NOS1: variants seen among roughly 807,000 people sequenced by gnomAD.
The protein encoded by NOS1 is NOS type I.
Under a neutral mutation model 164.5 loss-of-function variants are expected in NOS1, and 51 were observed. The observed-to-expected ratio is 0.31, with a 90% CI of 0.25 to 0.39. The LOEUF (loss-of-function observed/expected upper bound fraction) is 0.39, where lower values mean the gene tolerates loss of function less well. NOS1 is among the 10% of genes least tolerant of loss of function. The pLI, the probability that NOS1 is intolerant of heterozygous loss-of-function variation, is 1.00. For synonymous variants in NOS1, 719 were observed against 745.8 expected (o/e 0.96, Z 0.59); for missense variants, 1,362 against 1,885.6 (o/e 0.72, Z 5.14).
chr12:117,342,155 ATCTTT>A (rs940361727), intron 1 of NOS1, among the ~76,000 whole-genome samples: 1 of 150,990 alleles, frequency 6.6e-6, no homozygotes, highest in African/African-American at 2.4e-5. Flanking sequence ...GCCTCCTCTC[ATCTTT>A]TCTTTTCTTT....
intron 2 of NOS1, among the ~76,000 whole-genome samples, chr12:117,321,571 G>T (rs540223994): frequency 6.6e-6 from 1 of 152,164 alleles, no homozygotes; most frequent in Non-Finnish European, 1.5e-5. Context: ...GGTACAAAGC[G>T]AGAGTAATCC....
Position 117,330,299 on chromosome 12 carries a change from T to C in NOS1, c.725+46A>G, listed in dbSNP as rs367856181. 42 of 633,954 alleles carry C rather than the reference T, an allele frequency of 6.6e-5. No individual in the cohort carries two copies. The highest frequency in any genetic ancestry group is 8.7e-5 in the Non-Finnish European group (40 of 459,050). 39.3% of individuals were successfully genotyped at this position (633,954 alleles called of 1,614,324 possible). ...AGACGCACATGCACACACACAAGCATGCACACACACACACACACACACACA... is the reference window on the plus strand; with the variant it reads ...AGACGCACATGCACACACACAAGCACGCACACACACACACACACACACACA... On this transcript the variant is annotated intron_variant, in intron 2 of 28. Coordinates refer to ENST00000317775, the MANE Select transcript of NOS1 (RefSeq NM_000620.5). The surrounding 1 kb of genome is among the most constrained non-coding windows in gnomAD (Gnocchi z 4.6).
intron 2 of NOS1, among the ~76,000 whole-genome samples, chr12:117,325,533 C>T (rs1020909838): frequency 6.6e-6 from 1 of 152,126 alleles, no homozygotes; most frequent in African/African-American, 2.4e-5. Flanking sequence ...GAGAGTCTTG[C>T]ATGCCACATG....
chr12:117,292,418 C>T (rs1306356900), intron 3 of NOS1, among the ~76,000 whole-genome samples: 6 of 152,280 alleles, frequency 3.9e-5, no homozygotes, highest in East Asian at 1.9e-4. Flanking sequence ...GCAGGGCACT[C>T]ATCTCACTGG....
intron 1 of NOS1, among the ~76,000 whole-genome samples, chr12:117,344,215 A>ATGT: frequency 6.6e-6 from 1 of 152,358 alleles, no homozygotes; most frequent in East Asian, 1.9e-4. Context: ...AAAGCACCAC[A>ATGT]GGTCTGCTTT....
intron 2 of NOS1, among the ~76,000 whole-genome samples, chr12:117,315,688 G>T (rs1176472276): frequency 6.6e-6 from 1 of 152,186 alleles, no homozygotes; most frequent in Non-Finnish European, 1.5e-5. Context: ...GCTGGTTAAG[G>T]ATGTGGCTGT....
intron 17 of NOS1, among the ~76,000 whole-genome samples, chr12:117,247,807 A>G (rs568518907): frequency 4.6e-5 from 7 of 152,086 alleles, no homozygotes; most frequent in African/African-American, 1.7e-4. Flanking sequence ...TTAGCCGGGC[A>G]TGGTGGCAGG....
chr12:117,359,383 A>AC (rs1051435505), intron 1 of NOS1, among the ~76,000 whole-genome samples: 13 of 152,112 alleles, frequency 8.5e-5, no homozygotes, highest in Admixed American at 8.5e-4. Context: ...CGGGGGAAAA[A>AC]ATCTATGCTC....
chr12:117,284,182 G>A (rs942314306), intron 7 of NOS1, among the ~76,000 whole-genome samples: 3 of 152,284 alleles, frequency 2.0e-5, no homozygotes, highest in African/African-American at 4.8e-5. Context: ...AGTGAAGCCC[G>A]GGCGCTTGTG....
intron 2 of NOS1, among the ~76,000 whole-genome samples, chr12:117,315,802 G>A (rs1874643388): frequency 6.6e-6 from 1 of 152,184 alleles, no homozygotes; most frequent in African/African-American, 2.4e-5. Context: ...GTTAAATAGG[G>A]TCAATAATAT....
chr12:117,219,596 C>G (rs971193655), intron 27 of NOS1, among the ~76,000 whole-genome samples: 6 of 152,134 alleles, frequency 3.9e-5, no homozygotes, highest in Non-Finnish European at 5.9e-5. Flanking sequence ...CGTGAGCCAC[C>G]GAGCCCAGCC....
At chr12:117,299,375 A>T (rs524945) in intron 3 of NOS1, among the ~76,000 whole-genome samples, 4 of 151,734 alleles carry the variant, frequency 2.6e-5, no homozygotes, top group African/African-American at 4.8e-5. Flanking sequence ...GCGGTGGCTC[A>T]CGCCTGTAAT....
intron 9 of NOS1, among the ~76,000 whole-genome samples, chr12:117,276,245 C>G (rs1367166721): frequency 6.6e-6 from 1 of 151,858 alleles, no homozygotes; most frequent in Admixed American, 6.6e-5. Context: ...CTATAGTCAC[C>G]CTGTTGTGCT....
chr12:117,269,603 GACTAC>G (rs1315951856), intron 10 of NOS1, among the ~76,000 whole-genome samples: 1 of 151,636 alleles, frequency 6.6e-6, no homozygotes, highest in Non-Finnish European at 1.5e-5. Flanking sequence ...AAGTAGCTGG[GACTAC>G]AGGTGCACAC....
At chr12:117,281,713 A>G (rs1222855286) in intron 7 of NOS1, among the ~76,000 whole-genome samples, 1 of 151,052 alleles carries the variant, frequency 6.6e-6, no homozygotes, top group Non-Finnish European at 1.5e-5. Flanking sequence ...GGGTGCCTGT[A>G]GTCCCAGCTA....
At position 117,346,116 on chromosome 12, in the gene NOS1, G is replaced by T. The variant is rs201036119; in HGVS notation, c.-420-14627C>A. ...ACTTCCTGAAAGCAGCTGCAGGGAG[G>T]TGATGGCATGGCCCATTACAAATGA... On this transcript the variant is annotated intron_variant, in intron 1 of 28. Coordinates refer to ENST00000317775, the MANE Select transcript of NOS1 (RefSeq NM_000620.5). Among the ~76,000 whole-genome samples the T allele has an allele frequency of 9.8e-5, 15 of 152,356 alleles. No individual in the cohort carries two copies. In the East Asian group the frequency reaches 2.7e-3, roughly 27 times the overall value.
Position 117,243,495 on chromosome 12 carries a change from A to AT in NOS1, c.2824-61_2824-60insA. 1 of 1,589,682 alleles carries AT rather than the reference A, an allele frequency of 6.3e-7. No individual in the cohort carries two copies. Among genetic ancestry groups the AT allele is most frequent in the Non-Finnish European group, 8.6e-7 (1 of 1,165,098 alleles). On this transcript the variant is annotated intron_variant, in intron 18 of 28. Transcript: ENST00000317775. This position sits in a 1 kb window ranked among gnomAD's most constrained non-coding sequence, Gnocchi z 4.3. The stretch of plus-strand genomic sequence containing the variant: ...CAGCCAAGCGGATCTCCTCTCCAAC[A>AT]GCTCCAAGTCATGGCATGTATCTCT...
intron 17 of NOS1, among the ~76,000 whole-genome samples, chr12:117,252,535 G>A (rs529049377): frequency 2.0e-5 from 3 of 152,310 alleles, no homozygotes; most frequent in African/African-American, 7.2e-5. Context: ...CACCAAGAGT[G>A]AACCCTAAAG....
At chr12:117,244,504 G>T (rs922966650) in intron 18 of NOS1, among the ~76,000 whole-genome samples, 8 of 152,230 alleles carry the variant, frequency 5.3e-5, no homozygotes, top group African/African-American at 1.9e-4. Context: ...CTCCCAAAGT[G>T]CTGGGATTGC....
Sources: gnomAD v4.1 joint callset for allele counts (sites outside exome capture counted in the v4.1 genomes callset) on GRCh38, gnomAD v4.1.1 for gene constraint, Gnocchi (gnomAD v3.1) non-coding constraint, MANE v1.5 for transcripts, NCBI Gene and HGNC (gene_info 2026-07-23, HGNC 2026-07-21) for gene names.